CHRNA4: variants seen among roughly 807,000 people sequenced by gnomAD.
CHRNA4 encodes the protein neuronal acetylcholine receptor subunit alpha-4.
In CHRNA4, 28 loss-of-function variants were observed where a neutral mutation model predicts 48.9. The observed-to-expected ratio is 0.57, with a 90% confidence interval of 0.42 to 0.79. CHRNA4 has a LOEUF of 0.79. Ranked by LOEUF, CHRNA4 falls within the 30% of genes least tolerant of loss-of-function variation. CHRNA4 has a pLI of 0.00. For missense variants in CHRNA4, 859 were observed against 898.4 expected (o/e 0.96, Z 0.56); for synonymous variants, 425 against 402.3 (o/e 1.06, Z -0.68).
At chr20:63,347,440 C>T (rs929771218) in intron 5 of CHRNA4, among the ~76,000 whole-genome samples, 1 of 152,222 alleles carries the variant, frequency 6.6e-6, no homozygotes, top group Non-Finnish European at 1.5e-5. Context: ...GGGGCGGCTG[C>T]GGTTACATAT....
At position 63,359,590 on chromosome 20, in the gene CHRNA4, G is replaced by A. The variant is rs200250180; in HGVS notation, c.186C>T (p.Val62=). ...SRPVANISDV[V]LVRFGLSIAQ... ...CGATGGACAGGCCGAAGCGGACGAG[G>A]ACCACGTCCGAGATGTTGGCCACGG... Residue 62 remains valine, a synonymous_variant, in exon 2 of 6, where the codon GTC becomes GTT. Transcript: ENST00000370263. 1.1e-5 allele frequency: 17 copies of A among 1,612,614 alleles called. No homozygotes were observed. In the African/African-American group the frequency reaches 2.0e-4, roughly 19 times the overall value.
At chr20:63,354,593 G>T (rs1190699283) in intron 4 of CHRNA4, 4 of 422,158 alleles carry the variant, frequency 9.5e-6, no homozygotes, top group Non-Finnish European at 1.2e-5. Flanking sequence ...AAGTGGGGGG[G>T]GCTGCAGTAC....
intron 4 of CHRNA4, among the ~76,000 whole-genome samples, chr20:63,351,753 T>A (rs2068619371): frequency 6.6e-6 from 1 of 152,210 alleles, no homozygotes; most frequent in Non-Finnish European, 1.5e-5. Context: ...GGACTCTCTT[T>A]TGCCTTGGGG....
chr20:63,355,667 G>C (rs1443261397), intron 4 of CHRNA4: 1 of 1,115,628 alleles, frequency 9.0e-7, no homozygotes, highest in Non-Finnish European at 1.2e-6. Flanking sequence ...GTCCAGGCAG[G>C]GACACTGTGT....
intron 4 of CHRNA4, chr20:63,355,438 G>T: frequency 9.4e-7 from 1 of 1,059,286 alleles, no homozygotes; most frequent in Non-Finnish European, 1.3e-6. Flanking sequence ...GGCAGAGCGT[G>T]AGTATGCAGA....
chr20:63,347,976 G>A (rs45470098), intron 5 of CHRNA4, among the ~76,000 whole-genome samples: 3,036 of 152,346 alleles, frequency 0.02, 59 homozygotes, highest in Non-Finnish European at 0.025. Flanking sequence ...CCAGGCCTCG[G>A]CTCTGGGGGC....
intron 4 of CHRNA4, among the ~76,000 whole-genome samples, chr20:63,351,609 A>G (rs543490196): frequency 1.3e-5 from 2 of 152,176 alleles, no homozygotes; most frequent in African/African-American, 4.8e-5. Flanking sequence ...CTTGGAGGCC[A>G]CCTCCCAGTG....
chr20:63,361,206 G>T lies in CHRNA4; in HGVS notation c.-41C>A, dbSNP rs1246087679. On this transcript the variant is annotated 5_prime_UTR_variant, in exon 1 of 6. Coordinates refer to ENST00000370263, the MANE Select transcript of CHRNA4 (RefSeq NM_000744.7). ...CGGGCTCTAGATGCGGGCGGCTCCC[G>T]GCTCCCCGCCGCTTCGAGGCCCGTG... 2.8e-6 allele frequency: 4 copies of T among 1,450,852 alleles called. No homozygotes were observed. The highest frequency in any genetic ancestry group is 2.5e-5 in the Admixed American group (1 of 39,960). 89.9% of individuals were successfully genotyped at this position (1,450,852 alleles called of 1,614,324 possible).
intron 5 of CHRNA4, among the ~76,000 whole-genome samples, chr20:63,347,795 G>C (rs1187049805): frequency 6.6e-6 from 1 of 152,240 alleles, no homozygotes; most frequent in African/African-American, 2.4e-5. Flanking sequence ...CTGAGGGATG[G>C]GAGGGATGTG....
chr20:63,346,679 C>T lies in CHRNA4; in HGVS notation c.*59G>A, dbSNP rs753284508. The T allele has an allele frequency of 2.9e-5, 46 of 1,563,382 alleles. No individual in the cohort carries two copies. The highest frequency in any genetic ancestry group is 4.1e-5 in the African/African-American group (3 of 74,002). ...GAAGCCAGCCCGGCCCCAGGCCGGC[C>T]GCATGGATGCTGGCCCCGTGCACGG... On this transcript the variant is annotated 3_prime_UTR_variant, in exon 6 of 6. Transcript: ENST00000370263.
intron 4 of CHRNA4, chr20:63,355,592 G>A (rs763157780): frequency 8.4e-5 from 110 of 1,305,384 alleles, no homozygotes; most frequent in Non-Finnish European, 1.1e-4. Context: ...GGGCTCTCCT[G>A]CAGCTGTCAA....
intron 1 of CHRNA4, 145 bp downstream of exon 1, chr20:63,360,945 T>G: frequency 1.6e-6 from 1 of 628,376 alleles, no homozygotes. Context: ...CCTGTGCGGC[T>G]GGGGATGGGG....
chr20:63,349,057 C>T (rs1351805914), intron 5 of CHRNA4, among the ~76,000 whole-genome samples: 1 of 151,922 alleles, frequency 6.6e-6, no homozygotes, highest in Non-Finnish European at 1.5e-5. Context: ...GTGGGACCAG[C>T]GTTCTGCCCC....
rs201515924 is a variant in CHRNA4, at chr20:63,346,614, G to A, written c.*124C>T. ...TCTTACAGCAGACACAGAACAGGAA[G>A]GAAAATTTGGCAAACGTGTGGCCCC... On this transcript the variant is annotated 3_prime_UTR_variant, in exon 6 of 6. Coordinates refer to ENST00000370263, the MANE Select transcript of CHRNA4 (RefSeq NM_000744.7). The A allele has an allele frequency of 7.6e-5, 106 of 1,390,578 alleles. No individual in the cohort carries two copies. The highest frequency in any genetic ancestry group is 1.0e-4 in the Non-Finnish European group (103 of 1,016,938). 86.1% of individuals were successfully genotyped at this position (1,390,578 alleles called of 1,614,324 possible).
Position 63,356,045 on chromosome 20 carries a change from A to G in CHRNA4, c.313T>C (p.Tyr105His). The stretch of plus-strand genomic sequence containing the variant: ...ATGCGGATGGAGGTGACATTCTCAT[A>G]GTCAGCTGGGTCCCAGCGCAGCTTG... ...DYKLRWDPAD[Y>H]ENVTSIRIPS... Residue 105 changes from tyrosine (Y) to histidine (H), a missense_variant, in exon 4 of 6, where the codon TAT (tyrosine) becomes CAT (histidine). Around this residue, in one of 3 missense-constraint regions of CHRNA4, gnomAD observed 342 missense variants for 365.3 expected, o/e 0.94. Coordinates refer to ENST00000370263, the MANE Select transcript of CHRNA4 (RefSeq NM_000744.7). 6.3e-7 allele frequency: 1 copy of G among 1,595,086 alleles called. No individual in the cohort carries two copies. The highest frequency in any genetic ancestry group is 8.5e-7 in the Non-Finnish European group (1 of 1,172,088).
At position 63,344,655 on chromosome 20, in the gene CHRNA4, G is replaced by A. The variant is rs199571832; in HGVS notation, c.*2083C>T. 2 of 454,032 alleles carry A rather than the reference G, an allele frequency of 4.4e-6. No individual in the cohort carries two copies. The highest frequency in any genetic ancestry group is 8.8e-6 in the Non-Finnish European group (2 of 226,764). The allele number at this position is 454,032 out of a possible 1,614,324, so 28.1% of individuals were successfully genotyped here. On this transcript the variant is annotated 3_prime_UTR_variant, in exon 6 of 6. Transcript: ENST00000370263. The surrounding 1 kb of genome is among the most constrained non-coding windows in gnomAD (Gnocchi z 4.5). ...GCACCCCGGGCCACTCCCTGCAGCT[G>A]CCCACACATCTGGCAGCTGGGTCCA...
At position 63,350,292 on chromosome 20, in the gene CHRNA4, C is replaced by T. The variant is rs201845913; in HGVS notation, c.1119G>A (p.Glu373=). The change falls in exon 5 of 6, where the codon GAG becomes GAA. Residue 373 remains glutamate, a synonymous_variant. Transcript: ENST00000370263. ...VVKDNCRRLI[E]SMHKMASAPR... ...GGGCACTGGCCATCTTATGCATGGACTCGATGAGCCGCCGGCAATTGTCCT... is the reference window on the plus strand; with the variant it reads ...GGGCACTGGCCATCTTATGCATGGATTCGATGAGCCGCCGGCAATTGTCCT... The T allele has an allele frequency of 8.1e-6, 13 of 1,612,786 alleles. No individual in the cohort carries two copies. Among genetic ancestry groups the T allele is most frequent in the South Asian group, 1.1e-5 (1 of 91,056 alleles).
rs2068598397 is a variant in CHRNA4, at chr20:63,351,168, TCCACGCCCACATCCATGTC to T, written c.384-160_384-142del. On this transcript the variant is annotated intron_variant, in intron 4 of 5. Transcript: ENST00000370263. Reference sequence around the variant, plus strand: ...ATCCACGTCCACGCCCACATCCACGTCCACGCCCACATCCATGTCCCACGCCCACATCCACACCCACGTC... The same window carrying T: ...ATCCACGTCCACGCCCACATCCACGTCCACGCCCACATCCACACCCACGTC... 1.7e-5 allele frequency: 11 copies of T among 635,328 alleles called. 2 individuals are homozygous for T. Among genetic ancestry groups the T allele is most frequent in the Non-Finnish European group, 2.5e-5 (9 of 360,000 alleles). The allele number at this position is 635,328 out of a possible 1,614,324, so 39.4% of individuals were successfully genotyped here. A position where few individuals can be genotyped will look rare whatever the true frequency, so the allele number is the denominator to read the frequency against.
In CHRNA4 at chr20:63,359,712, G is replaced by T; in HGVS notation, c.77-13C>A. 6.2e-7 allele frequency: 1 copy of T among 1,609,512 alleles called. No individual in the cohort carries two copies. The highest frequency in any genetic ancestry group is 1.1e-5 in the South Asian group (1 of 90,984). ...ACATGGCTGCTGGCTGCGGGGAGAG[G>T]CAGGCCAGTGGCTCAGGTGCAGGCG... On this transcript the variant is annotated splice_polypyrimidine_tract_variant and intron_variant, in intron 1 of 5. Transcript: ENST00000370263.
Sources: allele counts gnomAD v4.1 joint callset (sites outside exome capture counted in the v4.1 genomes callset), GRCh38; gene constraint gnomAD v4.1.1; regional missense constraint gnomAD v4.1.1; non-coding constraint Gnocchi (gnomAD v3.1); transcripts MANE v1.5; gene names NCBI Gene and HGNC (gene_info 2026-07-23, HGNC 2026-07-21).